The following CNOT4 variants were observed in gnomAD, a reference collection of about 807,000 sequenced individuals.
CNOT4 encodes CCR4-associated factor 4.
A neutral mutation model predicts 73.8 loss-of-function variants in CNOT4; 8 were observed. The ratio of observed to expected loss-of-function variants is 0.11; its 90% CI spans 0.06 to 0.20. The LOEUF is 0.20. CNOT4 is among the 10% of genes least tolerant of loss of function. CNOT4 has a pLI of 1.00. For missense variants in CNOT4, 564 were observed against 883.4 expected (o/e 0.64, Z 4.58); for synonymous variants, 293 against 321.1 (o/e 0.91, Z 0.94).
At chr7:135,395,118 T>C (rs1563023220) in intron 9 of CNOT4, among the ~76,000 whole-genome samples, 1 of 152,188 alleles carries the variant, frequency 6.6e-6, no homozygotes, top group Non-Finnish European at 1.5e-5. Context: ...CCAGGTGCAG[T>C]GCTTCATGCC....
At position 135,388,520 on chromosome 7, in the gene CNOT4, G is replaced by GATCTTAGT. The variant is rs1449020295; in HGVS notation, c.1627+5390_1627+5397dup. On this transcript the variant is annotated intron_variant, in intron 10 of 11. Coordinates refer to ENST00000541284, the MANE Select transcript of CNOT4 (RefSeq NM_001190850.2). ...AACAATTCTAGCTAATCTCACCTGG[G>GATCTTAGT]ATCTTAGTACTACAAGTTTATTTTT... 8.7e-6 allele frequency: 9 copies of GATCTTAGT among 1,036,092 alleles called. No individual in the cohort carries two copies. In the East Asian group the frequency reaches 6.0e-4, roughly 69 times the overall value. 64.2% of individuals were successfully genotyped at this position (1,036,092 alleles called of 1,614,324 possible). A position where few individuals can be genotyped will look rare whatever the true frequency, so the allele number is the denominator to read the frequency against.
chr7:135,396,779 C>T (rs537798676), intron 8 of CNOT4, among the ~76,000 whole-genome samples: 63 of 152,246 alleles, frequency 4.1e-4, no homozygotes, highest in Non-Finnish European at 7.2e-4. Flanking sequence ...TCAACACTTA[C>T]ATCTTAGAAA....
intron 6 of CNOT4, among the ~76,000 whole-genome samples, chr7:135,412,169 G>A (rs1797621631): frequency 6.6e-6 from 1 of 151,938 alleles, no homozygotes; most frequent in East Asian, 1.9e-4. Context: ...AGGAGATACG[G>A]CTTTCACTAA....
chr7:135,372,997 AATAAATCT>A (rs1795304623), intron 10 of CNOT4, among the ~76,000 whole-genome samples: 1 of 152,254 alleles, frequency 6.6e-6, no homozygotes, highest in Non-Finnish European at 1.5e-5. Context: ...TGCAATAATA[AATAAATCT>A]ATAAAGAAAA....
intron 1 of CNOT4, among the ~76,000 whole-genome samples, chr7:135,481,772 T>C (rs938194162): frequency 2.0e-5 from 3 of 152,220 alleles, no homozygotes; most frequent in Non-Finnish European, 4.4e-5. Context: ...TGAAATCATG[T>C]CATTTGCAGC....
chr7:135,443,728 C>A (rs890462296), intron 1 of CNOT4, among the ~76,000 whole-genome samples: 2 of 152,134 alleles, frequency 1.3e-5, no homozygotes, highest in African/African-American at 4.8e-5. Flanking sequence ...ATCTCACATA[C>A]CATGTAGTAA....
At chr7:135,438,914 A>G (rs1323659059) in intron 1 of CNOT4, among the ~76,000 whole-genome samples, 1 of 152,202 alleles carries the variant, frequency 6.6e-6, no homozygotes, top group Non-Finnish European at 1.5e-5. Flanking sequence ...TAAAACTCAG[A>G]AAAACTCGGA....
Position 135,394,490 on chromosome 7 carries a change from G to C in CNOT4, c.1130-75C>G. 4 of 1,232,794 alleles carry C rather than the reference G, an allele frequency of 3.2e-6. No homozygotes were observed. The South Asian group carries it at 5.8e-5, about 18-fold the overall frequency. The allele number at this position is 1,232,794 out of a possible 1,614,324, so 76.4% of individuals were successfully genotyped here. On this transcript the variant is annotated intron_variant, in intron 9 of 11. Coordinates refer to ENST00000541284, the MANE Select transcript of CNOT4 (RefSeq NM_001190850.2). ...ATACTTAATAAGTATCCATGCTACT[G>C]AAAGTTAAACATGTCATTTTACAAA...
At chr7:135,453,825 T>TTTATATATATATATA (rs1435095104) in intron 1 of CNOT4, among the ~76,000 whole-genome samples, 1 of 77,366 alleles carries the variant, frequency 1.3e-5, no homozygotes, top group African/African-American at 4.2e-5. Context: ...ATATATATAT[T>TTTATATATATATATA]TTATATATAT....
intron 3 of CNOT4, among the ~76,000 whole-genome samples, chr7:135,415,678 AGAATT>A (rs1194174444): frequency 6.6e-6 from 1 of 152,208 alleles, no homozygotes; most frequent in East Asian, 1.9e-4. Flanking sequence ...AGGTAAAGAC[AGAATT>A]GAAAGAACAG....
intron 1 of CNOT4, among the ~76,000 whole-genome samples, chr7:135,464,672 T>TA (rs1163269834): frequency 7.9e-5 from 12 of 152,092 alleles, no homozygotes; most frequent in South Asian, 2.1e-4. Context: ...TAAAAGTTTT[T>TA]AAAAAAACTG....
At position 135,423,777 on chromosome 7, in the gene CNOT4, T is replaced by A. The variant is rs10240409; in HGVS notation, c.175-1424A>T. ...ACACCCATACCACTTGATTCCCACA[T>A]TAAGAATCTGGATCTTTGAGTTAGT... On this transcript the variant is annotated intron_variant, in intron 2 of 11. Transcript: ENST00000541284. Among the ~76,000 whole-genome samples the A allele has an allele frequency of 2.4e-3, 368 of 152,276 alleles. 2 individuals are homozygous for A. The highest frequency in any genetic ancestry group is 8.3e-3 in the African/African-American group (346 of 41,564).
intron 2 of CNOT4, among the ~76,000 whole-genome samples, chr7:135,422,812 T>G (rs1798264542): frequency 6.6e-6 from 1 of 152,348 alleles, no homozygotes; most frequent in East Asian, 1.9e-4. Flanking sequence ...TTAAAGCAAT[T>G]ATTACTGTGC....
At chr7:135,431,390 T>A (rs973934814) in intron 2 of CNOT4, among the ~76,000 whole-genome samples, 3 of 152,208 alleles carry the variant, frequency 2.0e-5, no homozygotes, top group African/African-American at 7.2e-5. Flanking sequence ...CTTCTTGATA[T>A]AGATGGTCAA....
intron 1 of CNOT4, among the ~76,000 whole-genome samples, chr7:135,442,052 C>A (rs2551771): frequency 6.6e-6 from 1 of 152,198 alleles, no homozygotes; most frequent in Non-Finnish European, 1.5e-5. Flanking sequence ...GACTGACTCA[C>A]CTCTTTCACA....
At chr7:135,472,077 G>A (rs1307067399) in intron 1 of CNOT4, among the ~76,000 whole-genome samples, 1 of 152,074 alleles carries the variant, frequency 6.6e-6, no homozygotes, top group African/African-American at 2.4e-5. Flanking sequence ...GGGGGCTGAG[G>A]CAGGAGTAGC....
intron 1 of CNOT4, among the ~76,000 whole-genome samples, chr7:135,488,516 A>G (rs768809811): frequency 6.6e-6 from 1 of 152,188 alleles, no homozygotes; most frequent in Non-Finnish European, 1.5e-5. Flanking sequence ...CCCAGCCTAA[A>G]CTGAAATCTT....
chr7:135,479,553 G>A (rs1802228943), intron 1 of CNOT4, among the ~76,000 whole-genome samples: 1 of 151,712 alleles, frequency 6.6e-6, no homozygotes, highest in South Asian at 2.1e-4. Flanking sequence ...CATAAATACT[G>A]GAGTTATTAT....
chr7:135,459,064 G>A (rs956998537), intron 1 of CNOT4, among the ~76,000 whole-genome samples: 1 of 151,954 alleles, frequency 6.6e-6, no homozygotes, highest in Admixed American at 6.6e-5. Flanking sequence ...ATAAGATTAC[G>A]TGAAACTCAA....
Sources: gnomAD v4.1 joint callset for allele counts (sites outside exome capture counted in the v4.1 genomes callset) on GRCh38, gnomAD v4.1.1 for gene constraint, MANE v1.5 for transcripts, NCBI Gene and HGNC (gene_info 2026-07-23, HGNC 2026-07-21) for gene names.